Variants in GALNT13 observed in about 807,000 individuals in gnomAD.
The protein encoded by GALNT13 is polypeptide N-acetylgalactosaminyltransferase 13.
GALNT13 carries 28 observed loss-of-function variants against 64.2 expected under a neutral mutation model. That is an observed-to-expected ratio of 0.44 (90% CI 0.32 to 0.60). The LOEUF (loss-of-function observed/expected upper bound fraction) is 0.60. GALNT13 is among the 20% of genes least tolerant of loss of function. GALNT13 has a pLI of 0.05. For synonymous variants in GALNT13, 214 were observed against 224.6 expected (o/e 0.95, Z 0.42); for missense variants, 577 against 669.8 (o/e 0.86, Z 1.53).
At chr2:153,118,454 G>A in the GALNT13 span, among the ~76,000 whole-genome samples, 1 of 152,134 alleles carries the variant, frequency 6.6e-6, no homozygotes, top group Non-Finnish European at 1.5e-5. Context: ...GTTGCTGCCT[G>A]TTCTGTGCTC....
the GALNT13 span, among the ~76,000 whole-genome samples, chr2:153,646,090 G>C: frequency 6.6e-6 from 1 of 151,866 alleles, no homozygotes; most frequent in Non-Finnish European, 1.5e-5. Flanking sequence ...GGCTATTTTT[G>C]GATATTATAG....
At chr2:153,994,251 C>A (rs1183399370) in intron 3 of GALNT13, among the ~76,000 whole-genome samples, 1 of 152,156 alleles carries the variant, frequency 6.6e-6, no homozygotes, top group South Asian at 2.1e-4. Context: ...TGAACTCATC[C>A]TTTTTTATGC....
chr2:154,348,114 T>C (rs754693458), intron 9 of GALNT13, among the ~76,000 whole-genome samples: 1 of 152,204 alleles, frequency 6.6e-6, no homozygotes, highest in Non-Finnish European at 1.5e-5. Context: ...TATATCCCTG[T>C]GTTAAAGATT....
the GALNT13 span, among the ~76,000 whole-genome samples, chr2:153,282,490 T>G: frequency 6.6e-6 from 1 of 152,182 alleles, no homozygotes; most frequent in Non-Finnish European, 1.5e-5. Flanking sequence ...CACAGCTCAC[T>G]GCCACCTTGA....
the GALNT13 span, among the ~76,000 whole-genome samples, chr2:153,094,993 C>A: frequency 1.3e-5 from 2 of 152,122 alleles, no homozygotes; most frequent in Non-Finnish European, 2.9e-5. Context: ...GACTTCATGA[C>A]TAAAACACCA....
chr2:154,394,104 AGG>A (rs1698944514), intron 9 of GALNT13, among the ~76,000 whole-genome samples: 1 of 146,472 alleles, frequency 6.8e-6, no homozygotes, highest in Non-Finnish European at 1.5e-5. Flanking sequence ...AAAAAAAAAA[AGG>A]TATGCAAATG....
chr2:153,550,311 T>G, the GALNT13 span, among the ~76,000 whole-genome samples: 3 of 151,890 alleles, frequency 2.0e-5, no homozygotes, highest in Non-Finnish European at 4.4e-5. Context: ...CTCGGCTCAC[T>G]GCAACCTCTG....
At chr2:153,379,459 A>C in the GALNT13 span, among the ~76,000 whole-genome samples, 1 of 152,126 alleles carries the variant, frequency 6.6e-6, no homozygotes, top group Non-Finnish European at 1.5e-5. Context: ...CCTTTAGGGA[A>C]ATTAATTTTA....
chr2:153,335,350 G>A, the GALNT13 span, among the ~76,000 whole-genome samples: 83 of 152,324 alleles, frequency 5.4e-4, no homozygotes, highest in Middle Eastern at 6.8e-3. Flanking sequence ...GAAAACATGG[G>A]AAAGTTTGAA....
intron 9 of GALNT13, among the ~76,000 whole-genome samples, chr2:154,356,791 A>C (rs991694190): frequency 6.6e-6 from 1 of 151,200 alleles, no homozygotes; most frequent in Non-Finnish European, 1.5e-5. Context: ...AAACTATAAA[A>C]CTATATGTTG....
chr2:154,328,935 G>C (rs781308050), intron 9 of GALNT13, among the ~76,000 whole-genome samples: 5 of 152,088 alleles, frequency 3.3e-5, no homozygotes, highest in Admixed American at 6.6e-5. Flanking sequence ...TTATTTTTCA[G>C]ACCATCAATA....
chr2:154,119,171 C>T lies in GALNT13; in HGVS notation c.143-21166C>T, dbSNP rs184572816. On this transcript the variant is annotated intron_variant, in intron 3 of 12. Coordinates refer to ENST00000392825, the MANE Select transcript of GALNT13 (RefSeq NM_052917.4). ...TTGTCTACAAAAGTTCTTATTTCCC[C>T]ATGACTCTGAAAAGACAGTTTTACT... Among the ~76,000 whole-genome samples the T allele has an allele frequency of 8.5e-5, 13 of 152,244 alleles. 1 individual carries two copies. The East Asian group carries it at 2.3e-3, about 27-fold the overall frequency.
intron 10 of GALNT13, among the ~76,000 whole-genome samples, chr2:154,407,648 C>T (rs1699610002): frequency 6.6e-6 from 1 of 151,986 alleles, no homozygotes; most frequent in Non-Finnish European, 1.5e-5. Flanking sequence ...TTGTAATATT[C>T]AGTGTGTGTT....
At chr2:154,113,410 C>T (rs1296653863) in intron 3 of GALNT13, among the ~76,000 whole-genome samples, 4 of 152,190 alleles carry the variant, frequency 2.6e-5, no homozygotes, top group African/African-American at 9.6e-5. Flanking sequence ...ATAAATGGCC[C>T]AGAGTAACAA....
the GALNT13 span, among the ~76,000 whole-genome samples, chr2:153,123,900 T>TTG: frequency 6.6e-6 from 1 of 152,186 alleles, no homozygotes; most frequent in Non-Finnish European, 1.5e-5. Flanking sequence ...CTTCCCTAGA[T>TTG]TGTGGGCTGG....
chr2:153,893,066 T>A lies in GALNT13; in HGVS notation c.-176-7870T>A, dbSNP rs76731057. 5.3e-3 allele frequency among the ~76,000 whole-genome samples: 807 copies of A among 152,178 alleles called. 3 individuals carry two copies. The highest frequency in any genetic ancestry group is 0.018 in the African/African-American group (760 of 41,566). The stretch of plus-strand genomic sequence containing the variant: ...AGATCTTGGATTCTTGCATTCATTC[T>A]AGGATTCTTGTACTCAAAATAGCTG... On this transcript the variant is annotated intron_variant, in intron 1 of 12. Coordinates refer to ENST00000392825, the MANE Select transcript of GALNT13 (RefSeq NM_052917.4).
the GALNT13 span, among the ~76,000 whole-genome samples, chr2:153,497,220 G>A: frequency 1.3e-5 from 2 of 151,940 alleles, no homozygotes; most frequent in Non-Finnish European, 2.9e-5. Flanking sequence ...ACATCTCACG[G>A]AGCACTAAAT....
chr2:153,383,939 T>G, the GALNT13 span, among the ~76,000 whole-genome samples: 1 of 151,900 alleles, frequency 6.6e-6, no homozygotes, highest in African/African-American at 2.4e-5. Flanking sequence ...ATTAAAAGAG[T>G]AGAAGTGAGC....
the GALNT13 span, among the ~76,000 whole-genome samples, chr2:153,597,069 C>T: frequency 6.6e-6 from 1 of 152,080 alleles, no homozygotes; most frequent in Non-Finnish European, 1.5e-5. Context: ...GAATTCTTTT[C>T]TCATTTCTAT....
Sources: allele counts gnomAD v4.1 joint callset (sites outside exome capture counted in the v4.1 genomes callset), GRCh38; gene constraint gnomAD v4.1.1; transcripts MANE v1.5; gene names NCBI Gene and HGNC (gene_info 2026-07-23, HGNC 2026-07-21).